Variants in MYD88 observed in about 807,000 individuals in gnomAD.
The protein encoded by MYD88 is MYD88 innate immune signal transduction adaptor.
In MYD88, 15 loss-of-function variants were observed where a neutral mutation model predicts 31.1. That is an observed-to-expected ratio of 0.48 (90% CI 0.32 to 0.74). MYD88 has a LOEUF of 0.74. MYD88 is among the 30% of genes least tolerant of loss of function. The pLI, the probability that MYD88 is intolerant of heterozygous loss-of-function variation, is 0.03. For missense variants in MYD88, 308 were observed against 387.4 expected (o/e 0.79, Z 1.72); for synonymous variants, 157 against 158.8 (o/e 0.99, Z 0.08).
Position 38,142,301 on chromosome 3 carries a change from C to T in MYD88, c.*1015C>T. On this transcript the variant is annotated 3_prime_UTR_variant, in exon 5 of 5. Transcript: ENST00000650905. ...GCACATACAGACTCACATACAGACACACACATATATGTACAGACATGTACT... is the reference window on the plus strand; with the variant it reads ...GCACATACAGACTCACATACAGACATACACATATATGTACAGACATGTACT... 1 of 233,372 alleles carries T rather than the reference C, an allele frequency of 4.3e-6. No individual in the cohort carries two copies. Among genetic ancestry groups the T allele is most frequent in the Non-Finnish European group, 8.5e-6 (1 of 118,092 alleles). The allele number at this position is 233,372 out of a possible 1,614,324, so 14.5% of individuals were successfully genotyped here. A position where few individuals can be genotyped will look rare whatever the true frequency, so the allele number is the denominator to read the frequency against.
At chr3:38,140,190 A>C in intron 2 of MYD88, 192 bp downstream of exon 2, 1 of 950,000 alleles carries the variant, frequency 1.1e-6, no homozygotes, top group Non-Finnish European at 1.6e-6. Context: ...TCATGAAATA[A>C]TGTCTGTCTC....
chr3:38,140,773 G>A lies in MYD88; in HGVS notation c.661G>A (p.Val221Met), dbSNP rs1033383183. ...LIEKRCRRMVVVVSDDYLQSK... is the reference protein window; with the variant it reads ...LIEKRCRRMVMVVSDDYLQSK... ...CTCCCCTAGGTGCCGCCGGATGGTG[G>A]TGGTTGTCTCTGATGATTACCTGCA... is the stretch of plus-strand genomic sequence containing the variant. The change falls in exon 4 of 5, where the codon GTG becomes ATG. Residue 221 changes from valine to methionine, a missense_variant. Val to Met is a conservative substitution (Grantham distance 21). Coordinates refer to ENST00000650905, the MANE Select transcript of MYD88 (RefSeq NM_002468.5). The A allele has an allele frequency of 6.2e-7, 1 of 1,614,180 alleles. No individual in the cohort carries two copies. The highest frequency in any genetic ancestry group is 8.5e-7 in the Non-Finnish European group (1 of 1,180,040).
At chr3:38,140,990 G>A in intron 4 of MYD88, 142 bp downstream of exon 4, 1 of 1,349,794 alleles carries the variant, frequency 7.4e-7, no homozygotes, top group Non-Finnish European at 1.1e-6. Flanking sequence ...ATGTGTGCAT[G>A]TGTGTGCCTT....
rs779368211 is a variant in MYD88, at chr3:38,138,997, C to A, written c.297C>A (p.Asp99Glu). ...LLELLTKLGR[D>E]DVLLELGPSI... is the part of the protein sequence containing the mutation. Reference sequence around the variant, plus strand: ...AGCTGCTTACCAAGCTGGGCCGCGACGACGTGCTGCTGGAGCTGGGACCCA... The same window carrying A: ...AGCTGCTTACCAAGCTGGGCCGCGAAGACGTGCTGCTGGAGCTGGGACCCA... Residue 99 changes from aspartate to glutamate, a missense_variant, in exon 1 of 5, where the codon GAC becomes GAA. Coordinates refer to ENST00000650905, the MANE Select transcript of MYD88 (RefSeq NM_002468.5). This position sits in a 1 kb window ranked among gnomAD's most constrained non-coding sequence, Gnocchi z 6.4. 6.2e-7 allele frequency: 1 copy of A among 1,606,354 alleles called. No individual in the cohort carries two copies. The highest frequency in any genetic ancestry group is 8.5e-7 in the Non-Finnish European group (1 of 1,179,838).
In MYD88 at chr3:38,141,042, A is replaced by T. The variant is rs188366400; in HGVS notation, c.737-90A>T. On this transcript the variant is annotated intron_variant, in intron 4 of 4. Coordinates refer to ENST00000650905, the MANE Select transcript of MYD88 (RefSeq NM_002468.5). Reference sequence around the variant, plus strand: ...TGTGCCAGGGGTACTTAGATGGGGGATGGCTGTTGTTAACCCTGGGGTTGA... The same window carrying T: ...TGTGCCAGGGGTACTTAGATGGGGGTTGGCTGTTGTTAACCCTGGGGTTGA... 129 of 1,565,840 alleles carry T rather than the reference A, an allele frequency of 8.2e-5. 1 individual carries two copies. The highest frequency in any genetic ancestry group is 7.7e-4 in the Admixed American group (46 of 59,906).
chr3:38,142,548 A>C lies in MYD88; in HGVS notation c.*1262A>C, dbSNP rs1701105108. 4.3e-6 allele frequency: 1 copy of C among 233,192 alleles called. No homozygotes were observed. The highest frequency in any genetic ancestry group is 8.5e-6 in the Non-Finnish European group (1 of 118,068). The allele number at this position is 233,192 out of a possible 1,614,324, so 14.4% of individuals were successfully genotyped here. On this transcript the variant is annotated 3_prime_UTR_variant, in exon 5 of 5. Coordinates refer to ENST00000650905, the MANE Select transcript of MYD88 (RefSeq NM_002468.5). Reference sequence around the variant, plus strand: ...ACCTCTAATGAAGCACAGAGAGAGGAAGAGAGCTGCTTAAACTCACACAAC... The same window carrying C: ...ACCTCTAATGAAGCACAGAGAGAGGCAGAGAGCTGCTTAAACTCACACAAC...
chr3:38,140,699 C>A (rs2125779204), intron 3 of MYD88, 58 bp from the exon 4 acceptor site: 2 of 1,598,428 alleles, frequency 1.3e-6, no homozygotes, highest in South Asian at 2.2e-5. Context: ...AAGCTATTCC[C>A]AGGGGATATG....
rs963756425 is a variant in MYD88, at chr3:38,139,638, G to C, written c.329-226G>C. On this transcript the variant is annotated intron_variant, in intron 1 of 4. Transcript: ENST00000650905. The surrounding 1 kb of genome is among the most constrained non-coding windows in gnomAD (Gnocchi z 4.7). ...GGGACAGAGATACAAACCTGACTTT[G>C]ATGGCCTTCCAGAAAGCCAGAACAC... The C allele has an allele frequency of 1.7e-6, 1 of 591,386 alleles. No individual in the cohort carries two copies. Among genetic ancestry groups the C allele is most frequent in the Non-Finnish European group, 3.0e-6 (1 of 331,092 alleles). The allele number at this position is 591,386 out of a possible 1,614,324, so 36.6% of individuals were successfully genotyped here. A position where few individuals can be genotyped will look rare whatever the true frequency, so the allele number is the denominator to read the frequency against.
rs748226423 is a variant in MYD88 at position 38,139,824 on chromosome 3, A to G, written c.329-40A>G. 1.5e-5 allele frequency: 24 copies of G among 1,610,370 alleles called. No homozygotes were observed. In the South Asian group the frequency reaches 2.6e-4, roughly 18 times the overall value. On this transcript the variant is annotated intron_variant, in intron 1 of 4. Transcript: ENST00000650905. This position sits in a 1 kb window ranked among gnomAD's most constrained non-coding sequence, Gnocchi z 4.7. Reference sequence around the variant, plus strand: ...CCTGACTGTGGGTAAAGAGGTAGGCACTCCCAGGGAGGCTGCTTTACTCTG... The same window carrying G: ...CCTGACTGTGGGTAAAGAGGTAGGCGCTCCCAGGGAGGCTGCTTTACTCTG...
chr3:38,138,724 G>A lies in MYD88; in HGVS notation c.24G>A (p.Ala8=). 6.2e-7 allele frequency: 1 copy of A among 1,605,568 alleles called. No individual in the cohort carries two copies. Among genetic ancestry groups the A allele is most frequent in the Non-Finnish European group, 8.5e-7 (1 of 1,174,674 alleles). The change falls in exon 1 of 5, where the codon GCG becomes GCA. Residue 8 remains alanine, a synonymous_variant. Transcript: ENST00000650905. This position sits in a 1 kb window ranked among gnomAD's most constrained non-coding sequence, Gnocchi z 6.4. The part of the protein sequence containing the change: MAAGGPG[A]GSAAPVSSTS... ...CCATGGCTGCAGGAGGTCCCGGCGC[G>A]GGGTCTGCGGCCCCGGTCTCCTCCA...
Position 38,142,651 on chromosome 3 carries a change from G to A in MYD88, c.*1365G>A, listed in dbSNP as rs1475842871. On this transcript the variant is annotated 3_prime_UTR_variant, in exon 5 of 5. Coordinates refer to ENST00000650905, the MANE Select transcript of MYD88 (RefSeq NM_002468.5). The stretch of plus-strand genomic sequence containing the variant: ...ATACTTTACCCTCAGGCTGTCCTCT[G>A]GGGAGAAGGTGCCATGGTCTTAGGT... 4.3e-6 allele frequency: 1 copy of A among 233,182 alleles called. No individual in the cohort carries two copies. Among genetic ancestry groups the A allele is most frequent in the African/African-American group, 2.2e-5 (1 of 45,328 alleles). 14.4% of individuals were successfully genotyped at this position (233,182 alleles called of 1,614,324 possible).
Position 38,141,463 on chromosome 3 carries a change from G to C in MYD88, c.*177G>C. On this transcript the variant is annotated 3_prime_UTR_variant, in exon 5 of 5. Transcript: ENST00000650905. ...GGACATCACATTTCATGTCCTGCAT[G>C]GAACCAGTGGCTGTGAGTGGCATGT... 1.2e-6 allele frequency: 1 copy of C among 825,258 alleles called. No homozygotes were observed. The highest frequency in any genetic ancestry group is 2.0e-6 in the Non-Finnish European group (1 of 499,524). The allele number at this position is 825,258 out of a possible 1,614,324, so 51.1% of individuals were successfully genotyped here.
In MYD88 at chr3:38,141,349, C is replaced by A. The variant is rs1319944839; in HGVS notation, c.*63C>A. The A allele has an allele frequency of 3.7e-6, 6 of 1,600,480 alleles. No individual in the cohort carries two copies. Among genetic ancestry groups the A allele is most frequent in the Non-Finnish European group, 5.1e-6 (6 of 1,167,836 alleles). Reference sequence around the variant, plus strand: ...TGCCTGTCCATGTACTTCTGCCCTGCCTCCTCCTTTCGTTGTAGGAGGAAT... The same window carrying A: ...TGCCTGTCCATGTACTTCTGCCCTGACTCCTCCTTTCGTTGTAGGAGGAAT... On this transcript the variant is annotated 3_prime_UTR_variant, in exon 5 of 5. Coordinates refer to ENST00000650905, the MANE Select transcript of MYD88 (RefSeq NM_002468.5).
chr3:38,139,781 G>T lies in MYD88; in HGVS notation c.329-83G>T. The T allele has an allele frequency of 1.3e-6, 2 of 1,573,408 alleles. No homozygotes were observed. Among genetic ancestry groups the T allele is most frequent in the Non-Finnish European group, 8.7e-7 (1 of 1,154,192 alleles). ...CTCTAGAACAACCCAGCCAGAGGAGGTGGGACAGCGGCTGGATCCTGACTG... is the reference window on the plus strand; with the variant it reads ...CTCTAGAACAACCCAGCCAGAGGAGTTGGGACAGCGGCTGGATCCTGACTG... On this transcript the variant is annotated intron_variant, in intron 1 of 4. Transcript: ENST00000650905. The surrounding 1 kb of genome is among the most constrained non-coding windows in gnomAD (Gnocchi z 4.7).
At position 38,139,229 on chromosome 3, in the gene MYD88, A is replaced by G. The variant is rs941907898; in HGVS notation, c.328+201A>G. ...TAAGAAGGACTGGAGAAAGGTCCGG[A>G]TAGGCGGAGATGGGAAGGAAGCAGC... On this transcript the variant is annotated intron_variant, in intron 1 of 4. Transcript: ENST00000650905. The surrounding 1 kb of genome is among the most constrained non-coding windows in gnomAD (Gnocchi z 4.7). 2.1e-5 allele frequency: 15 copies of G among 710,138 alleles called. No individual in the cohort carries two copies. The Admixed American group carries it at 2.7e-4, about 13-fold the overall frequency. 44.0% of individuals were successfully genotyped at this position (710,138 alleles called of 1,614,324 possible).
intron 2 of MYD88, 41 bp from the exon 3 acceptor site, chr3:38,140,347 C>T: frequency 6.2e-7 from 1 of 1,609,932 alleles, no homozygotes; most frequent in African/African-American, 1.3e-5. Context: ...CCCAAGCCTT[C>T]CCATGGAGCT....
chr3:38,140,200 C>T (rs747187570), intron 2 of MYD88, 188 bp from the exon 3 acceptor site: 63 of 941,848 alleles, frequency 6.7e-5, no homozygotes, highest in Admixed American at 1.2e-4. Flanking sequence ...ATGTCTGTCT[C>T]GTGGTTAATC....
chr3:38,141,016 G>A, intron 4 of MYD88, 116 bp from the exon 5 acceptor site: 2 of 1,469,854 alleles, frequency 1.4e-6, no homozygotes, highest in South Asian at 2.3e-5. Flanking sequence ...GTGAGTGAAT[G>A]TGTGCCAGGG....
chr3:38,142,453 A>G lies in MYD88; in HGVS notation c.*1167A>G, dbSNP rs1329297238. ...CTGAACAAAAATTGGGCACTCATCT[A>G]TTCCTTTTCTCTTGTGTCCCTACTC... On this transcript the variant is annotated 3_prime_UTR_variant, in exon 5 of 5. Coordinates refer to ENST00000650905, the MANE Select transcript of MYD88 (RefSeq NM_002468.5). The G allele has an allele frequency of 4.3e-6, 1 of 233,262 alleles. No homozygotes were observed. Among genetic ancestry groups the G allele is most frequent in the Non-Finnish European group, 8.5e-6 (1 of 118,048 alleles). 14.4% of individuals were successfully genotyped at this position (233,262 alleles called of 1,614,324 possible).
Sources: gnomAD v4.1 joint callset for allele counts on GRCh38, gnomAD v4.1.1 for gene constraint, Gnocchi (gnomAD v3.1) non-coding constraint, MANE v1.5 for transcripts, NCBI Gene and HGNC (gene_info 2026-07-23, HGNC 2026-07-21) for gene names.